MRC1: variants seen among roughly 807,000 people sequenced by gnomAD.
MRC1 encodes mannose receptor C-type 1, also known as macrophage mannose receptor 1.
In MRC1, 62 loss-of-function variants were observed where a neutral mutation model predicts 102.9. The ratio of observed to expected loss-of-function variants is 0.60; its 90% CI spans 0.49 to 0.74. The LOEUF is 0.74. Among genes scored for constraint, MRC1 ranks in the 30% least tolerant of loss-of-function variants. The pLI is 0.00. For synonymous variants in MRC1, 457 were observed against 298.4 expected (o/e 1.53, Z -5.48); for missense variants, 1,237 against 862.8 (o/e 1.43, Z -5.43).
chr10:17,873,778 T>C lies in MRC1; in HGVS notation c.2345-6T>C. On this transcript the variant is annotated splice_region_variant and splice_polypyrimidine_tract_variant and intron_variant, in intron 15 of 29. Transcript: ENST00000569591. ...ACTTTATTTCTATTTTTCTCTTGTT[T>C]TACAGGACAAACACCAAAACCTGAG... The C allele has an allele frequency of 1.1e-6, 1 of 872,560 alleles. No homozygotes were observed. Among genetic ancestry groups the C allele is most frequent in the South Asian group, 1.3e-5 (1 of 76,532 alleles). The allele number at this position is 872,560 out of a possible 1,614,324, so 54.1% of individuals were successfully genotyped here.
intron 18 of MRC1, among the ~76,000 whole-genome samples, chr10:17,879,111 G>T (rs1184752859): frequency 6.6e-6 from 1 of 152,152 alleles, no homozygotes; most frequent in Non-Finnish European, 1.5e-5. Context: ...TGCCCGGGGA[G>T]TACGATGGGA....
rs910380018 is a variant in MRC1, at chr10:17,842,113, C to G, written c.916+1307C>G. 6.6e-5 allele frequency among the ~76,000 whole-genome samples: 10 copies of G among 152,234 alleles called. No individual in the cohort carries two copies. The East Asian group carries it at 9.7e-4, about 15-fold the overall frequency. On this transcript the variant is annotated intron_variant, in intron 5 of 29. Transcript: ENST00000569591. Reference sequence around the variant, plus strand: ...AAGAGGCTGGGATTACAAGCATGCACCACCATGCCTGGCTAATTTTTTAAT... The same window carrying G: ...AAGAGGCTGGGATTACAAGCATGCAGCACCATGCCTGGCTAATTTTTTAAT...
Position 17,900,933 on chromosome 10 carries a change from T to C in MRC1, c.3629T>C (p.Phe1210Ser), listed in dbSNP as rs1833821023. Residue 1210 changes from phenylalanine to serine, a missense_variant, in exon 25 of 30, where the codon TTT becomes TCT. By Grantham distance (155) the Phe-to-Ser change is radical. Coordinates refer to ENST00000569591, the MANE Select transcript of MRC1 (RefSeq NM_002438.4). ...GCACATTGCAATGAAAGTTTTTACT[T>C]TCTCTGTAAAAGATCAGATGGTAAT... ...KTAHCNESFYFLCKRSDEIPA... is the reference protein window; with the variant it reads ...KTAHCNESFYSLCKRSDEIPA... 3.8e-6 allele frequency: 3 copies of C among 780,418 alleles called. No homozygotes were observed. The African/African-American group carries it at 5.1e-5, about 13-fold the overall frequency. 48.3% of individuals were successfully genotyped at this position (780,418 alleles called of 1,614,324 possible). A position where few individuals can be genotyped will look rare whatever the true frequency, so the allele number is the denominator to read the frequency against.
At position 17,849,704 on chromosome 10, in the gene MRC1, G is replaced by GT; in HGVS notation, c.1189_1190insT (p.Asp397ValfsTer21). On this transcript the variant is annotated frameshift_variant, in exon 7 of 30. Coordinates refer to ENST00000569591, the MANE Select transcript of MRC1 (RefSeq NM_002438.4). LOFTEE classifies it high-confidence loss of function. ...GACCACCTGCAGGAAGGAAGGCGGT[G>GT]ACCTCACAAGTATCCACACCATCGA... 1.3e-6 allele frequency: 1 copy of GT among 780,934 alleles called. No homozygotes were observed. Among genetic ancestry groups the GT allele is most frequent in the South Asian group, 1.3e-5 (1 of 74,610 alleles). 48.4% of individuals were successfully genotyped at this position (780,934 alleles called of 1,614,324 possible).
chr10:17,864,019 T>C (rs951254043), intron 11 of MRC1, among the ~76,000 whole-genome samples: 1 of 152,288 alleles, frequency 6.6e-6, no homozygotes, highest in East Asian at 1.9e-4. Flanking sequence ...TTTCTTTTTT[T>C]TGAGACAGAG....
chr10:17,850,328 G>A (rs1838895705), intron 7 of MRC1, among the ~76,000 whole-genome samples: 3 of 146,726 alleles, frequency 2.0e-5, no homozygotes, highest in Middle Eastern at 3.6e-3. Flanking sequence ...GCCAAGCTAC[G>A]GTGGCTCATG....
At chr10:17,905,611 C>T (rs905481552) in intron 26 of MRC1, among the ~76,000 whole-genome samples, 5 of 151,306 alleles carry the variant, frequency 3.3e-5, no homozygotes, top group African/African-American at 1.2e-4. Flanking sequence ...TTCTCATTCT[C>T]ATTCTCAAAA....
At chr10:17,869,570 G>A (rs1833325754) in intron 12 of MRC1, among the ~76,000 whole-genome samples, 2 of 152,104 alleles carry the variant, frequency 1.3e-5, no homozygotes, top group Non-Finnish European at 2.9e-5. Flanking sequence ...ACTGTTGACT[G>A]CATTTCACTA....
At chr10:17,889,542 A>C (rs1833645571) in intron 22 of MRC1, among the ~76,000 whole-genome samples, 1 of 152,214 alleles carries the variant, frequency 6.6e-6, no homozygotes, top group South Asian at 2.1e-4. Flanking sequence ...CTGGGATTAC[A>C]GGCATGAGCC....
chr10:17,888,943 T>C (rs1226344202), intron 22 of MRC1, among the ~76,000 whole-genome samples: 2 of 152,210 alleles, frequency 1.3e-5, no homozygotes, highest in Admixed American at 1.3e-4. Context: ...ATGTTGATGC[T>C]CTATTGTTAG....
chr10:17,869,861 T>C (rs1260250616), intron 12 of MRC1, among the ~76,000 whole-genome samples: 6 of 152,230 alleles, frequency 3.9e-5, no homozygotes, highest in African/African-American at 9.6e-5. Context: ...TTCTTCTTCA[T>C]GTTTACTTTA....
chr10:17,880,634 A>G lies in MRC1; in HGVS notation c.2829A>G (p.Ser943=), dbSNP rs1473674786. 5 of 780,816 alleles carry G rather than the reference A, an allele frequency of 6.4e-6. No homozygotes were observed. In the Admixed American group the frequency reaches 8.5e-5, roughly 13 times the overall value. 48.4% of individuals were successfully genotyped at this position (780,816 alleles called of 1,614,324 possible). ...TGCCTACCATGCCCTCGGTCCCATC[A>G]GGGTGCAAGGAAGGTTGGAATTTCT... ...TVMPTMPSVP[S]GCKEGWNFYS... is the part of the protein sequence containing the mutation. Residue 943 remains serine (S), a synonymous_variant, in exon 20 of 30, where the codon TCA becomes TCG. Transcript: ENST00000569591.
At chr10:17,829,341 C>T (rs1263380675) in intron 3 of MRC1, among the ~76,000 whole-genome samples, 1 of 151,324 alleles carries the variant, frequency 6.6e-6, no homozygotes, top group Non-Finnish European at 1.5e-5. Flanking sequence ...ATTTATAATC[C>T]CTAATTATCA....
chr10:17,887,811 T>G (rs1005599402), intron 22 of MRC1, among the ~76,000 whole-genome samples: 2 of 152,194 alleles, frequency 1.3e-5, no homozygotes, highest in Non-Finnish European at 2.9e-5. Context: ...TTTATTTTAT[T>G]TTATTTTTTT....
Position 17,833,657 on chromosome 10 carries a change from A to G in MRC1, c.638-18A>G, listed in dbSNP as rs782130298. On this transcript the variant is annotated intron_variant, in intron 3 of 29. Transcript: ENST00000569591. ...TTCTATGCATAATGAACCAAATTCCATCTGATTTCTTTCACAGTTGAGGGC... is the reference window on the plus strand; with the variant it reads ...TTCTATGCATAATGAACCAAATTCCGTCTGATTTCTTTCACAGTTGAGGGC... 9.0e-6 allele frequency: 7 copies of G among 780,968 alleles called. No homozygotes were observed. Among genetic ancestry groups the G allele is most frequent in the African/African-American group, 8.5e-5 (5 of 59,150 alleles). 48.4% of individuals were successfully genotyped at this position (780,968 alleles called of 1,614,324 possible).
In MRC1 at chr10:17,877,895, T is replaced by G. The variant is rs1833459351; in HGVS notation, c.2551-5T>G. On this transcript the variant is annotated splice_region_variant and splice_polypyrimidine_tract_variant and intron_variant, in intron 17 of 29. Transcript: ENST00000569591. ...TTAAACTATACGTAAACTTCCATGT[T>G]TCAGGTAAACAGAAATGATGCACAG... The G allele has an allele frequency of 6.9e-6, 6 of 872,110 alleles. No individual in the cohort carries two copies. Among genetic ancestry groups the G allele is most frequent in the African/African-American group, 1.6e-5 (1 of 61,312 alleles). The allele number at this position is 872,110 out of a possible 1,614,324, so 54.0% of individuals were successfully genotyped here. A position where few individuals can be genotyped will look rare whatever the true frequency, so the allele number is the denominator to read the frequency against.
intron 3 of MRC1, among the ~76,000 whole-genome samples, chr10:17,832,831 C>T (rs1410960759): frequency 2.0e-5 from 3 of 151,922 alleles, no homozygotes; most frequent in Non-Finnish European, 4.4e-5. Context: ...CCTTGTGATC[C>T]GCCAGCCTCG....
chr10:17,831,917 A>C (rs1201387615), intron 3 of MRC1, among the ~76,000 whole-genome samples: 2 of 151,718 alleles, frequency 1.3e-5, no homozygotes, highest in Admixed American at 1.3e-4. Context: ...GGAATCATAA[A>C]ATAGCAAAGG....
chr10:17,816,140 G>A (rs965763287), intron 1 of MRC1, among the ~76,000 whole-genome samples: 1 of 152,154 alleles, frequency 6.6e-6, no homozygotes, highest in Admixed American at 6.6e-5. Flanking sequence ...CCCAGCACCT[G>A]GCATAGCTTC....
Sources: gnomAD v4.1 joint callset for allele counts (sites outside exome capture counted in the v4.1 genomes callset) on GRCh38, gnomAD v4.1.1 for gene constraint, MANE v1.5 for transcripts, NCBI Gene and HGNC (gene_info 2026-07-23, HGNC 2026-07-21) for gene names.